The following ITFG2 variants were observed in gnomAD, a reference collection of about 807,000 sequenced individuals.
The protein encoded by ITFG2 is KICSTOR complex protein ITFG2.
A neutral mutation model predicts 54.4 loss-of-function variants in ITFG2; 36 were observed. The ratio of observed to expected loss-of-function variants is 0.66; its 90% CI spans 0.51 to 0.87. The LOEUF (loss-of-function observed/expected upper bound fraction) is 0.87. ITFG2 is among the 40% of genes least tolerant of loss of function. The pLI is 0.00. For missense variants in ITFG2, 524 were observed against 576.7 expected, an observed-to-expected ratio of 0.91 and a Z score of 0.94; for synonymous variants, 211 against 225.4, an observed-to-expected ratio of 0.94 and a Z score of 0.57.
At chr12:2,834,879 C>T, upstream of ITFG2, 1 of 1,613,848 alleles carries the variant, frequency 6.2e-7, no homozygotes, top group African/African-American at 1.3e-5. Context: ...GTGGGGGCGT[C>T]ACCGAGTCCT....
At chr12:2,829,969 T>G (rs1370189570), downstream of ITFG2, among the ~76,000 whole-genome samples, 3 of 132,604 alleles carry the variant, frequency 2.3e-5, no homozygotes, top group East Asian at 6.9e-4. Context: ...CCCAGCTACT[T>G]AGGAGGCTGA....
downstream of ITFG2, chr12:2,828,185 G>T: frequency 8.7e-7 from 1 of 1,150,928 alleles, no homozygotes; most frequent in Non-Finnish European, 1.3e-6. Flanking sequence ...TGCCTTCTCT[G>T]CCAGAGTCTT....
Position 2,854,188 on chromosome 12 carries a change from G to A in ITFG2, n.301-3824G>A, listed in dbSNP as rs566598085. Among the ~76,000 whole-genome samples, 7 of 152,196 alleles carry A rather than the reference G, an allele frequency of 4.6e-5. No homozygotes were observed. The East Asian group carries it at 1.4e-3, about 29-fold the overall frequency. On this transcript the variant is annotated intron_variant and non_coding_transcript_variant, in intron 2 of 3. Coordinates refer to the ITFG2 transcript ENST00000537710. ...TTGCAGGCACCCATCACCACACCCG[G>A]CTAATTTTGTATTTTTAGTAGAGAT...
chr12:2,842,368 G>A (rs537179135), intron 2 of ITFG2, among the ~76,000 whole-genome samples: 76 of 150,020 alleles, frequency 5.1e-4, no homozygotes, highest in African/African-American at 1.7e-3. Flanking sequence ...TAATCCACCC[G>A]CCTCGGCCTC....
At chr12:2,821,015 G>A (rs1032414915) in intron 6 of ITFG2, 143 bp downstream of exon 6, 3 of 898,568 alleles carry the variant, frequency 3.3e-6, no homozygotes, top group Non-Finnish European at 5.1e-6. Flanking sequence ...GCCCCACTGG[G>A]GAAGATTACT....
chr12:2,832,933 G>A (rs923954354), upstream of ITFG2, among the ~76,000 whole-genome samples: 8 of 151,642 alleles, frequency 5.3e-5, no homozygotes, highest in Non-Finnish European at 1.0e-4. Context: ...AAAGTTCAGC[G>A]AGCTCTGGGA....
chr12:2,848,914 CCT>C (rs1422365712), intron 2 of ITFG2: 20 of 379,934 alleles, frequency 5.3e-5, no homozygotes, highest in Non-Finnish European at 9.1e-5. Flanking sequence ...CACACACACT[CCT>C]TCCTTCCCAC....
rs185020457 is a variant in ITFG2 at position 2,853,798 on chromosome 12, G to C, written n.301-4214G>C. ...CCGTGAGTTCCCAGGGTGGCCGGGA[G>C]GGGGAGCTGCGGGGTTCACAGCGGC... On this transcript the variant is annotated intron_variant and non_coding_transcript_variant, in intron 2 of 3. Coordinates refer to the ITFG2 transcript ENST00000537710. Among the ~76,000 whole-genome samples the C allele has an allele frequency of 1.9e-4, 29 of 152,172 alleles. No individual in the cohort carries two copies. The East Asian group carries it at 5.0e-3, about 26-fold the overall frequency.
At chr12:2,824,040 G>T in intron 11 of ITFG2, 50 bp from the exon 12 acceptor site, 1 of 1,613,660 alleles carries the variant, frequency 6.2e-7, no homozygotes. Flanking sequence ...CCAGTGGCCC[G>T]GGTGCCCAGG....
intron 2 of ITFG2, chr12:2,849,013 A>G: frequency 1.8e-6 from 1 of 567,700 alleles, no homozygotes; most frequent in Non-Finnish European, 3.0e-6. Context: ...CTTCGATGAG[A>G]GTCCTCCAAG....
intron 8 of ITFG2, 24 bp from the exon 9 acceptor site, chr12:2,821,668 C>A: frequency 6.2e-7 from 1 of 1,613,488 alleles, no homozygotes; most frequent in Non-Finnish European, 8.5e-7. Flanking sequence ...CCCACCCACA[C>A]TCAGCCTGCC....
chr12:2,818,682 A>C (rs2097930407), intron 4 of ITFG2: 5 of 248,874 alleles, frequency 2.0e-5, no homozygotes, highest in Middle Eastern at 1.5e-3. Flanking sequence ...AGAAAAGAAA[A>C]ACTATACATT....
downstream of ITFG2, among the ~76,000 whole-genome samples, chr12:2,828,568 G>A (rs764341897): frequency 1.3e-5 from 2 of 152,196 alleles, no homozygotes; most frequent in Non-Finnish European, 2.9e-5. Flanking sequence ...GGCCAGGCGC[G>A]GTAGCTCACG....
chr12:2,817,036 C>T (rs1293018948), intron 1 of ITFG2, among the ~76,000 whole-genome samples, 187 bp from the exon 2 acceptor site: 1 of 152,190 alleles, frequency 6.6e-6, no homozygotes, highest in Non-Finnish European at 1.5e-5. Flanking sequence ...AAGTGATCCA[C>T]CCACCTCCAC....
Position 2,820,820 on chromosome 12 carries a change from A to G in ITFG2, c.643A>G (p.Lys215Glu). 1.2e-6 allele frequency: 2 copies of G among 1,613,520 alleles called. No individual in the cohort carries two copies. The highest frequency in any genetic ancestry group is 2.2e-5 in the East Asian group (1 of 44,870). The change falls in exon 6 of 12, where the codon AAA becomes GAA. Residue 215 changes from lysine (K) to glutamate (E), a missense_variant. Coordinates refer to ENST00000228799, the MANE Select transcript of ITFG2 (RefSeq NM_018463.4). ...GTATGCAATTCTACTGTGTACCTGG[A>G]AAAAGGACACTGGGTCCCCTCCTGC... Reference protein sequence around the residue: ...CAYAILLCTWKKDTGSPPASE... With the variant: ...CAYAILLCTWEKDTGSPPASE...
At chr12:2,858,922 G>A (rs1478305288) in intron 3 of ITFG2, 3 of 1,613,528 alleles carry the variant, frequency 1.9e-6, no homozygotes, top group South Asian at 2.2e-5. Flanking sequence ...GGTGATTCAA[G>A]GGGGGGAGCA....
chr12:2,820,650 C>T (rs1480961536), intron 5 of ITFG2, 74 bp from the exon 6 acceptor site: 2 of 723,004 alleles, frequency 2.8e-6, no homozygotes, highest in African/African-American at 1.8e-5. Context: ...GCCCACCCAC[C>T]GCCCCCTGCC....
At chr12:2,852,961 C>G (rs1184272607) in intron 2 of ITFG2, among the ~76,000 whole-genome samples, 1 of 151,916 alleles carries the variant, frequency 6.6e-6, no homozygotes, top group Non-Finnish European at 1.5e-5. Flanking sequence ...GATCACACCA[C>G]TGCACTCTAG....
At chr12:2,829,899 GAAACCCCATCTCT>G (rs1486547090), downstream of ITFG2, among the ~76,000 whole-genome samples, 6 of 152,148 alleles carry the variant, frequency 3.9e-5, no homozygotes, top group East Asian at 9.7e-4. Context: ...CCAACCTGGA[GAAACCCCATCTCT>G]ACTAAAAATA....
Sources: allele counts gnomAD v4.1 joint callset (sites outside exome capture counted in the v4.1 genomes callset), GRCh38; gene constraint gnomAD v4.1.1; transcripts MANE v1.5; gene names NCBI Gene and HGNC (gene_info 2026-07-23, HGNC 2026-07-21).